ETF1: variants seen among roughly 807,000 people sequenced by gnomAD.
ETF1 encodes the protein eukaryotic translation termination factor 1.
In ETF1, 4 loss-of-function variants were observed where a neutral mutation model predicts 55.1. That is an observed-to-expected ratio of 0.07 (90% CI 0.04 to 0.17). ETF1 has a LOEUF of 0.17. Ranked by LOEUF, ETF1 falls within the 10% of genes least tolerant of loss-of-function variation. The pLI is 1.00. For missense variants in ETF1, 142 were observed against 523.6 expected, an observed-to-expected ratio of 0.27 and a Z score of 7.11; for synonymous variants, 157 against 182.3, an observed-to-expected ratio of 0.86 and a Z score of 1.12.
intron 2 of ETF1, chr5:138,529,758 G>C (rs1468934599): frequency 1.0e-6 from 1 of 974,768 alleles, no homozygotes; most frequent in Non-Finnish European, 1.2e-6. Flanking sequence ...CAAGTAGAAA[G>C]ATAATTTTTT....
chr5:138,541,699 G>C, intron 2 of ETF1: 1 of 1,315,062 alleles, frequency 7.6e-7, no homozygotes, highest in Non-Finnish European at 9.8e-7. Flanking sequence ...CCTGAGGCAG[G>C]CCATTCTACT....
intron 2 of ETF1, among the ~76,000 whole-genome samples, chr5:138,541,335 G>A (rs1016721577): frequency 2.0e-5 from 3 of 152,116 alleles, no homozygotes; most frequent in African/African-American, 7.2e-5. Context: ...ATATTCTATT[G>A]AATTCAAAGA....
chr5:138,511,375 TACAATCACGTACATACACACACAC>T (rs1764768023), intron 7 of ETF1, 76 bp downstream of exon 7: 1 of 1,523,954 alleles, frequency 6.6e-7, no homozygotes, highest in Admixed American at 2.2e-5. Context: ...GTCTCATACA[TACAATCACGTACATACACACACAC>T]ACATACACAC....
chr5:138,525,943 TAAAA>T (rs35058160), intron 2 of ETF1, among the ~76,000 whole-genome samples: 18 of 133,806 alleles, frequency 1.3e-4, no homozygotes, highest in Non-Finnish European at 1.9e-4. Context: ...AGACTCTGTT[TAAAA>T]AAAAAAAAAA....
rs138339304 is a variant in ETF1 at position 138,534,614 on chromosome 5, C to G, written c.86+8219G>C. ...GTCTGTTTTCTTTTAAATCTTTGCA[C>G]CTGAGTCTCAGCACACCTGCTCCTC... On this transcript the variant is annotated intron_variant, in intron 2 of 10. Transcript: ENST00000360541. Among the ~76,000 whole-genome samples, 54 of 152,330 alleles carry G rather than the reference C, an allele frequency of 3.5e-4. 1 individual carries two copies. The East Asian group carries it at 9.8e-3, about 28-fold the overall frequency.
chr5:138,541,607 T>C (rs1766178719), intron 2 of ETF1: 1 of 1,530,072 alleles, frequency 6.5e-7, no homozygotes, highest in South Asian at 1.2e-5. Context: ...CATTCTAAAA[T>C]TGCAAATCTA....
chr5:138,518,134 T>C (rs909117608), intron 3 of ETF1, among the ~76,000 whole-genome samples: 1 of 150,308 alleles, frequency 6.7e-6, no homozygotes, highest in African/African-American at 2.5e-5. Flanking sequence ...CCTGGGAGGC[T>C]TGTGGTGAGC....
chr5:138,543,110 C>A lies in ETF1; in HGVS notation c.-32G>T, dbSNP rs1247595755. 1.3e-5 allele frequency: 8 copies of A among 620,036 alleles called. No homozygotes were observed. The African/African-American group carries it at 1.5e-4, about 12-fold the overall frequency. 38.4% of individuals were successfully genotyped at this position (620,036 alleles called of 1,614,324 possible). A position where few individuals can be genotyped will look rare whatever the true frequency, so the allele number is the denominator to read the frequency against. On this transcript the variant is annotated 5_prime_UTR_variant, in exon 1 of 11. Transcript: ENST00000360541. ...CCTGTGCCTTACCTAAGGGCCCAGT[C>A]CTGGGCGGCAGCGGCTGCTCCTCCC...
chr5:138,512,696 GCTCACACAGAGGA>G, intron 6 of ETF1, 55 bp downstream of exon 6: 6 of 1,366,390 alleles, frequency 4.4e-6, no homozygotes, highest in Non-Finnish European at 5.9e-6. Flanking sequence ...CTGTTCCAGT[GCTCACACAGAGGA>G]CTCACCTACT....
chr5:138,529,552 T>C (rs1765609913), intron 2 of ETF1: 1 of 980,488 alleles, frequency 1.0e-6, no homozygotes, highest in Non-Finnish European at 1.2e-6. Flanking sequence ...AGAGACAACA[T>C]ACAGCAATGT....
At chr5:138,514,315 A>G (rs1764928781) in intron 4 of ETF1, among the ~76,000 whole-genome samples, 1 of 152,178 alleles carries the variant, frequency 6.6e-6, no homozygotes, top group African/African-American at 2.4e-5. Flanking sequence ...GCACTATGGG[A>G]GGCTGTGGCA....
intron 2 of ETF1, chr5:138,529,602 C>T (rs1765612672): frequency 1.0e-6 from 1 of 985,330 alleles, no homozygotes; most frequent in Non-Finnish European, 1.2e-6. Flanking sequence ...CTCAGATTCT[C>T]TTCTTGTTCT....
At chr5:138,510,119 G>T (rs1764708898) in intron 9 of ETF1, among the ~76,000 whole-genome samples, 1 of 151,254 alleles carries the variant, frequency 6.6e-6, no homozygotes, top group Non-Finnish European at 1.5e-5. Flanking sequence ...CCACTTGGGA[G>T]GCCGAGGTAA....
At chr5:138,522,715 A>C (rs1326386180) in intron 2 of ETF1, among the ~76,000 whole-genome samples, 4 of 152,224 alleles carry the variant, frequency 2.6e-5, no homozygotes, top group Admixed American at 2.0e-4. Context: ...GCATTAACTT[A>C]CACTACATTG....
Position 138,506,488 on chromosome 5 carries a change from T to C in ETF1, c.*1817A>G, listed in dbSNP as rs1395891432. 1 of 152,666 alleles carries C rather than the reference T, an allele frequency of 6.6e-6. No individual in the cohort carries two copies. Among genetic ancestry groups the C allele is most frequent in the African/African-American group, 2.4e-5 (1 of 41,478 alleles). The allele number at this position is 152,666 out of a possible 1,614,324, so 9.5% of individuals were successfully genotyped here. A position where few individuals can be genotyped will look rare whatever the true frequency, so the allele number is the denominator to read the frequency against. On this transcript the variant is annotated 3_prime_UTR_variant, in exon 11 of 11. Transcript: ENST00000360541. ...CATATCACATCAGACCCATTTACAA[T>C]GGCAAAACCCTAAGGTACTGCTGTG...
chr5:138,507,034 G>A lies in ETF1; in HGVS notation c.*1271C>T, dbSNP rs1471991626. ...ACTTTGTTCAACTGTCACCACCCTGGGCACGCCATGACCTTGCATATCAGC... is the reference window on the plus strand; with the variant it reads ...ACTTTGTTCAACTGTCACCACCCTGAGCACGCCATGACCTTGCATATCAGC... On this transcript the variant is annotated 3_prime_UTR_variant, in exon 11 of 11. Transcript: ENST00000360541. The A allele has an allele frequency of 6.6e-6, 1 of 151,906 alleles. No individual in the cohort carries two copies. Among genetic ancestry groups the A allele is most frequent in the Non-Finnish European group, 1.5e-5 (1 of 67,824 alleles). 9.4% of individuals were successfully genotyped at this position (151,906 alleles called of 1,614,324 possible).
At chr5:138,524,811 C>CAG in intron 2 of ETF1, among the ~76,000 whole-genome samples, 1 of 151,962 alleles carries the variant, frequency 6.6e-6, no homozygotes, top group Non-Finnish European at 1.5e-5. Context: ...CTCCTGACTT[C>CAG]ATGATCCGCC....
At chr5:138,511,982 G>T in intron 6 of ETF1, 3 of 678,214 alleles carry the variant, frequency 4.4e-6, no homozygotes, top group Non-Finnish European at 5.5e-6. Flanking sequence ...CAGACAGCTT[G>T]AGTCCAGGAA....
chr5:138,515,938 G>A (rs1237040390), intron 4 of ETF1, among the ~76,000 whole-genome samples: 2 of 152,218 alleles, frequency 1.3e-5, no homozygotes, highest in East Asian at 3.8e-4. Flanking sequence ...ATCATCCACT[G>A]TAAACTGTCG....
Sources: allele counts gnomAD v4.1 joint callset (sites outside exome capture counted in the v4.1 genomes callset), GRCh38; gene constraint gnomAD v4.1.1; transcripts MANE v1.5; gene names NCBI Gene and HGNC (gene_info 2026-07-23, HGNC 2026-07-21).